The following TNS1 variants were observed in gnomAD, a reference collection of about 807,000 sequenced individuals.
The protein encoded by TNS1 is tensin-1.
Under a neutral mutation model 168.6 loss-of-function variants are expected in TNS1, and 62 were observed. That is an observed-to-expected ratio of 0.37 (90% CI 0.30 to 0.45). The LOEUF (loss-of-function observed/expected upper bound fraction) is 0.45. TNS1 is among the 20% of genes least tolerant of loss of function. The pLI, the probability that TNS1 is intolerant of heterozygous loss-of-function variation, is 1.00. For synonymous variants in TNS1, 934 were observed against 933.2 expected (o/e 1.00, Z -0.02); for missense variants, 2,240 against 2,339.4 (o/e 0.96, Z 0.88).
chr2:217,992,237 C>G (rs1958386761), intron 1 of TNS1, among the ~76,000 whole-genome samples: 1 of 152,158 alleles, frequency 6.6e-6, no homozygotes, highest in Non-Finnish European at 1.5e-5. Flanking sequence ...GGGCAAGACA[C>G]AGACACCAGC....
At chr2:217,809,520 GATAGGTGCATGGATGGATGC>G (rs1559141311) in intron 30 of TNS1, among the ~76,000 whole-genome samples, 280 of 77,590 alleles carry the variant, frequency 3.6e-3, no homozygotes, top group Non-Finnish European at 4.4e-3. Flanking sequence ...TGGATGGATG[GATAGGTGCATGGATGGATGC>G]ATGGATGGAT....
chr2:217,957,877 G>A (rs193227249), intron 3 of TNS1, among the ~76,000 whole-genome samples: 36 of 150,702 alleles, frequency 2.4e-4, no homozygotes, highest in Admixed American at 1.8e-3. Context: ...GGGAGAAGAG[G>A]GAGAACAGAT....
At chr2:217,811,129 C>G (rs1559145130) in intron 28 of TNS1, among the ~76,000 whole-genome samples, 1 of 152,142 alleles carries the variant, frequency 6.6e-6, no homozygotes, top group South Asian at 2.1e-4. Flanking sequence ...ATCCTTCCAC[C>G]TCAGCCTCCC....
intron 12 of TNS1, among the ~76,000 whole-genome samples, chr2:217,887,871 C>T (rs1235500221): frequency 6.6e-6 from 1 of 152,218 alleles, no homozygotes; most frequent in Non-Finnish European, 1.5e-5. Context: ...GGCATTTTCC[C>T]TTTTCTGATT....
At chr2:217,943,878 G>A (rs1957031205) in intron 3 of TNS1, 1 of 152,750 alleles carries the variant, frequency 6.5e-6, no homozygotes, top group Non-Finnish European at 1.5e-5. Context: ...TCCTGCAGAG[G>A]AGCCACTAAG....
At chr2:217,851,708 G>A (rs1040040111) in intron 18 of TNS1, among the ~76,000 whole-genome samples, 5 of 152,162 alleles carry the variant, frequency 3.3e-5, no homozygotes, top group African/African-American at 1.2e-4. Flanking sequence ...ACCCCTAAAG[G>A]CTGCTAAGAT....
intron 18 of TNS1, among the ~76,000 whole-genome samples, chr2:217,852,874 T>C (rs1947687832): frequency 6.6e-6 from 1 of 152,134 alleles, no homozygotes. Flanking sequence ...TGGCCCCAGA[T>C]TGCACCCTCC....
At chr2:217,822,738 T>G (rs1403274984) in intron 22 of TNS1, among the ~76,000 whole-genome samples, 1 of 152,148 alleles carries the variant, frequency 6.6e-6, no homozygotes, top group African/African-American at 2.4e-5. Context: ...TAAGGATGGA[T>G]GCTGAGGCCC....
intron 3 of TNS1, among the ~76,000 whole-genome samples, chr2:217,929,533 C>T (rs1422571532): frequency 6.6e-6 from 1 of 152,160 alleles, no homozygotes; most frequent in Non-Finnish European, 1.5e-5. Context: ...CACAGGGAAG[C>T]ACCAGCAGGG....
At chr2:217,836,641 C>T (rs1945214203) in intron 19 of TNS1, among the ~76,000 whole-genome samples, 2 of 152,164 alleles carry the variant, frequency 1.3e-5, no homozygotes, top group Non-Finnish European at 2.9e-5. Flanking sequence ...TTGGAAAGGG[C>T]TAAATTGCAT....
At chr2:217,963,744 CG>C (rs1288481877) in intron 3 of TNS1, among the ~76,000 whole-genome samples, 138 of 136,540 alleles carry the variant, frequency 1.0e-3, no homozygotes, top group African/African-American at 3.9e-3. Flanking sequence ...GTACATTTAC[CG>C]AAAAAAAAAA....
intron 4 of TNS1, among the ~76,000 whole-genome samples, chr2:217,913,266 C>CT (rs987721173): frequency 2.0e-5 from 3 of 152,194 alleles, no homozygotes; most frequent in Non-Finnish European, 4.4e-5. Flanking sequence ...AGAGTTATGT[C>CT]TGATTTCTCC....
chr2:217,907,816 G>C (rs548735073), intron 4 of TNS1, among the ~76,000 whole-genome samples: 1 of 152,306 alleles, frequency 6.6e-6, no homozygotes, highest in Admixed American at 6.5e-5. Flanking sequence ...CCATTTCCAA[G>C]CACAAAGGCT....
intron 32 of TNS1, among the ~76,000 whole-genome samples, chr2:217,805,541 C>CCACAGACAT (rs1938605655): frequency 5.7e-4 from 1 of 1,766 alleles, no homozygotes; most frequent in Non-Finnish European, 1.5e-3. Context: ...ACACCACACA[C>CCACAGACAT]ACCACCACAC....
At chr2:217,865,323 A>C (rs1949174745) in intron 18 of TNS1, among the ~76,000 whole-genome samples, 1 of 152,204 alleles carries the variant, frequency 6.6e-6, no homozygotes, top group South Asian at 2.1e-4. Context: ...CCACCAAACC[A>C]TGAAGCACAG....
At chr2:217,806,973 C>T (rs930814253) in intron 32 of TNS1, among the ~76,000 whole-genome samples, 2 of 152,184 alleles carry the variant, frequency 1.3e-5, no homozygotes, top group East Asian at 1.9e-4. Context: ...TTTGAAGACC[C>T]GTCCTTAAAT....
rs66652637 is a variant in TNS1, at chr2:217,831,942, AAC to A, written c.3281-397_3281-396del. On this transcript the variant is annotated intron_variant, in intron 21 of 32. Coordinates refer to ENST00000682258, the MANE Select transcript of TNS1 (RefSeq NM_001387777.1). ...CTCATCCCTCTTCCTACCCTCACCC[AAC>A]ACACACACACACACACACACACACA... is the stretch of plus-strand genomic sequence containing the variant. 2.4e-3 allele frequency among the ~76,000 whole-genome samples: 349 copies of A among 145,498 alleles called. 1 individual carries two copies. Among genetic ancestry groups the A allele is most frequent in the African/African-American group, 3.8e-3 (152 of 39,552 alleles).
chr2:217,856,729 G>C (rs569691258), intron 18 of TNS1, among the ~76,000 whole-genome samples: 31 of 152,230 alleles, frequency 2.0e-4, no homozygotes, highest in African/African-American at 7.0e-4. Context: ...AATAGCTCCA[G>C]AGCCCACAAC....
Position 217,813,246 on chromosome 2 carries a change from C to G in TNS1, c.4923G>C (p.Lys1641Asn). 6.2e-7 allele frequency: 1 copy of G among 1,603,566 alleles called. No individual in the cohort carries two copies. The highest frequency in any genetic ancestry group is 8.5e-7 in the Non-Finnish European group (1 of 1,174,382). The change falls in exon 27 of 33, where the codon AAG becomes AAC. Residue 1641 changes from lysine to asparagine, a missense_variant. This residue lies in a region of TNS1 where 2,131 missense variants were observed against 2,171.2 expected (regional missense o/e 0.98). Transcript: ENST00000682258. This position sits in a 1 kb window ranked among gnomAD's most constrained non-coding sequence, Gnocchi z 4.0. ...FLIETGPRGVKLKGCPNEPNF... is the reference protein window; with the variant it reads ...FLIETGPRGVNLKGCPNEPNF... Reference sequence around the variant, plus strand: ...TTGGCTCATTGGGGCAGCCCTTGAGCTTGACTCCTCTGGGGCCAGTCTCTA... The same window carrying G: ...TTGGCTCATTGGGGCAGCCCTTGAGGTTGACTCCTCTGGGGCCAGTCTCTA...
Sources: allele counts gnomAD v4.1 joint callset (sites outside exome capture counted in the v4.1 genomes callset), GRCh38; gene constraint gnomAD v4.1.1; regional missense constraint gnomAD v4.1.1; non-coding constraint Gnocchi (gnomAD v3.1); transcripts MANE v1.5; gene names NCBI Gene and HGNC (gene_info 2026-07-23, HGNC 2026-07-21).